LONRF1: variants seen among roughly 807,000 people sequenced by gnomAD.
LONRF1 encodes LON peptidase N-terminal domain and RING finger protein 1.
LONRF1 carries 37 observed loss-of-function variants against 85.8 expected under a neutral mutation model. The ratio of observed to expected loss-of-function variants is 0.43; its 90% CI spans 0.33 to 0.57. LONRF1 has a LOEUF of 0.57. Ranked by LOEUF, LONRF1 falls within the 20% of genes least tolerant of loss-of-function variation. The pLI, the probability that LONRF1 is intolerant of heterozygous loss-of-function variation, is 0.04. For synonymous variants in LONRF1, 517 were observed against 390.1 expected, an observed-to-expected ratio of 1.33 and a Z score of -3.83; for missense variants, 1,036 against 978.0, an observed-to-expected ratio of 1.06 and a Z score of -0.79.
In LONRF1 at chr8:12,755,519, G is replaced by A; in HGVS notation, c.-99C>T. 2.0e-6 allele frequency: 1 copy of A among 507,582 alleles called. No homozygotes were observed. The highest frequency in any genetic ancestry group is 2.5e-6 in the Non-Finnish European group (1 of 395,532). The allele number at this position is 507,582 out of a possible 1,614,324, so 31.4% of individuals were successfully genotyped here. ...CGGCCCGCGAGCAGGGGGGCGTGGC[G>A]CGCGGACACGGCGGGGCTGCGCGCG... On this transcript the variant is annotated 5_prime_UTR_variant, in exon 1 of 12. Transcript: ENST00000398246.
intron 7 of LONRF1, among the ~76,000 whole-genome samples, chr8:12,734,908 T>C (rs1798660417): frequency 6.6e-6 from 1 of 152,186 alleles, no homozygotes; most frequent in Non-Finnish European, 1.5e-5. Context: ...GTTCTAGATG[T>C]TGAGGAAGCT....
rs1342269692 is a variant in LONRF1 at position 12,741,109 on chromosome 8, T to C, written c.841-113A>G. 7 of 1,149,180 alleles carry C rather than the reference T, an allele frequency of 6.1e-6. No individual in the cohort carries two copies. In the South Asian group the frequency reaches 9.8e-5, roughly 16 times the overall value. 71.2% of individuals were successfully genotyped at this position (1,149,180 alleles called of 1,614,324 possible). A position where few individuals can be genotyped will look rare whatever the true frequency, so the allele number is the denominator to read the frequency against. ...TCAGCAGTGCCGATTCTGGGCCGGG[T>C]GCAGTAGCTCACGCCTGTAATCCCA... On this transcript the variant is annotated intron_variant, in intron 2 of 11. Transcript: ENST00000398246.
At chr8:12,739,544 T>C (rs896854874) in intron 3 of LONRF1, among the ~76,000 whole-genome samples, 5 of 151,660 alleles carry the variant, frequency 3.3e-5, no homozygotes, top group Non-Finnish European at 7.4e-5. Context: ...TCTGTTTTGA[T>C]TGGGATGCTG....
rs1798623506 is a variant in LONRF1 at position 12,733,925 on chromosome 8, T to A, written c.1566+1361A>T. ...GGAAACAGGATATTGCTAAATAGTATGTTAGTTATACTTTCAAAAAATATG... is the reference window on the plus strand; with the variant it reads ...GGAAACAGGATATTGCTAAATAGTAAGTTAGTTATACTTTCAAAAAATATG... On this transcript the variant is annotated intron_variant, in intron 7 of 11. Transcript: ENST00000398246. 5.3e-5 allele frequency among the ~76,000 whole-genome samples: 8 copies of A among 152,198 alleles called. 1 individual carries two copies. Among genetic ancestry groups the A allele is most frequent in the Admixed American group, 5.2e-4 (8 of 15,276 alleles).
At chr8:12,744,414 T>G (rs116588015) in intron 1 of LONRF1, among the ~76,000 whole-genome samples, 1 of 152,158 alleles carries the variant, frequency 6.6e-6, no homozygotes, top group Non-Finnish European at 1.5e-5. Flanking sequence ...AAAAAAGACA[T>G]GTCTAGAATA....
intron 10 of LONRF1, among the ~76,000 whole-genome samples, chr8:12,726,936 G>T (rs145764633): frequency 3.3e-5 from 5 of 152,020 alleles, no homozygotes; most frequent in African/African-American, 1.2e-4. Flanking sequence ...GCCACTGTGT[G>T]CACTCAAAGA....
rs1799611603 is a variant in LONRF1 at position 12,755,493 on chromosome 8, G to A, written c.-73C>T. ...GCCTCCCGGGCGCGCGGCTCCGCAC[G>A]CGGCCCGCGAGCAGGGGGGCGTGGC... On this transcript the variant is annotated 5_prime_UTR_variant, in exon 1 of 12. Transcript: ENST00000398246. The A allele has an allele frequency of 3.6e-6, 3 of 828,796 alleles. No individual in the cohort carries two copies. The highest frequency in any genetic ancestry group is 6.0e-5 in the Admixed American group (1 of 16,768). 51.3% of individuals were successfully genotyped at this position (828,796 alleles called of 1,614,324 possible). A position where few individuals can be genotyped will look rare whatever the true frequency, so the allele number is the denominator to read the frequency against.
rs1805916072 is a variant in LONRF1, at chr8:12,722,216, T to C, written c.*880A>G. Reference sequence around the variant, plus strand: ...ATCCTTAATGGGTTTATACTATGCATTTTTTTTTAAAACAAACACATCATG... The same window carrying C: ...ATCCTTAATGGGTTTATACTATGCACTTTTTTTTAAAACAAACACATCATG... On this transcript the variant is annotated 3_prime_UTR_variant, in exon 12 of 12. Transcript: ENST00000398246. The C allele has an allele frequency of 6.7e-6, 1 of 148,966 alleles. No homozygotes were observed. Among genetic ancestry groups the C allele is most frequent in the Non-Finnish European group, 1.5e-5 (1 of 67,036 alleles). The allele number at this position is 148,966 out of a possible 1,614,324, so 9.2% of individuals were successfully genotyped here.
intron 1 of LONRF1, 80 bp downstream of exon 1, chr8:12,754,620 G>T (rs939232506): frequency 4.8e-6 from 6 of 1,239,078 alleles, no homozygotes; most frequent in Non-Finnish European, 6.0e-6. Context: ...CTCTCGGGGC[G>T]CAGACAAGCT....
rs761993389 is a variant in LONRF1, at chr8:12,755,375, C to G, written c.46G>C (p.Glu16Gln). The change falls in exon 1 of 12, where the codon GAG (glutamate) becomes CAG (glutamine). Residue 16 changes from glutamate (E) to glutamine (Q), a missense_variant. Coordinates refer to ENST00000398246, the MANE Select transcript of LONRF1 (RefSeq NM_152271.5). ...VARTSPGGSR[E>Q]MAPAPQGRGR... ...CGGCCCTGCGGCGCTGGGGCCATCTCCCGACTCCCTCCTGGGGAGGTCCTC... is the reference window on the plus strand; with the variant it reads ...CGGCCCTGCGGCGCTGGGGCCATCTGCCGACTCCCTCCTGGGGAGGTCCTC... 1.7e-6 allele frequency: 2 copies of G among 1,204,290 alleles called. No homozygotes were observed. Among genetic ancestry groups the G allele is most frequent in the South Asian group, 6.3e-5 (2 of 31,724 alleles). 74.6% of individuals were successfully genotyped at this position (1,204,290 alleles called of 1,614,324 possible).
chr8:12,754,306 A>C, intron 1 of LONRF1: 3 of 160,722 alleles, frequency 1.9e-5, no homozygotes, highest in Non-Finnish European at 2.7e-5. Flanking sequence ...CCGAGAGCCA[A>C]TTCCCGGAAA....
chr8:12,750,250 T>C (rs559162075), intron 1 of LONRF1, among the ~76,000 whole-genome samples: 2 of 152,346 alleles, frequency 1.3e-5, no homozygotes, highest in African/African-American at 2.4e-5. Flanking sequence ...ATAATCACCA[T>C]ACAGACATCA....
chr8:12,739,091 C>T (rs1224077510), intron 3 of LONRF1, among the ~76,000 whole-genome samples: 2 of 151,920 alleles, frequency 1.3e-5, no homozygotes, highest in Non-Finnish European at 2.9e-5. Flanking sequence ...ATAAATTAAA[C>T]ACACATCCAC....
intron 3 of LONRF1, among the ~76,000 whole-genome samples, chr8:12,739,180 G>T (rs1798834238): frequency 6.6e-6 from 1 of 151,814 alleles, no homozygotes; most frequent in Non-Finnish European, 1.5e-5. Context: ...ACTTGTACAA[G>T]AATACTCATA....
At chr8:12,744,796 G>C (rs74867556) in intron 1 of LONRF1, among the ~76,000 whole-genome samples, 2,582 of 152,270 alleles carry the variant, frequency 0.017, 86 homozygotes, top group African/African-American at 0.059. Flanking sequence ...GCTTCCAATA[G>C]CATCCTTGAG....
Position 12,735,435 on chromosome 8 carries a change from T to A in LONRF1, c.1452-35A>T, listed in dbSNP as rs1234224461. 10 of 1,345,946 alleles carry A rather than the reference T, an allele frequency of 7.4e-6. 1 individual carries two copies. The highest frequency in any genetic ancestry group is 1.1e-5 in the Non-Finnish European group (10 of 950,292). 83.4% of individuals were successfully genotyped at this position (1,345,946 alleles called of 1,614,324 possible). A position where few individuals can be genotyped will look rare whatever the true frequency, so the allele number is the denominator to read the frequency against. On this transcript the variant is annotated intron_variant, in intron 6 of 11. Transcript: ENST00000398246. Reference sequence around the variant, plus strand: ...ACCAAGATACATGTTAGTTTTCACATTAAACTATCCACTGAAAAGCTTGTA... The same window carrying A: ...ACCAAGATACATGTTAGTTTTCACAATAAACTATCCACTGAAAAGCTTGTA...
intron 10 of LONRF1, among the ~76,000 whole-genome samples, chr8:12,727,507 G>A (rs953029375): frequency 6.6e-6 from 1 of 151,760 alleles, no homozygotes; most frequent in South Asian, 2.1e-4. Flanking sequence ...TAGACATTCC[G>A]AGGACCAAAG....
Position 12,737,043 on chromosome 8 carries a change from C to G in LONRF1, c.1211G>C (p.Arg404Thr). Residue 404 changes from arginine (R) to threonine (T), a missense_variant, in exon 5 of 12, where the codon AGA (arginine) becomes ACA (threonine). Physicochemically the swap from Arg to Thr is moderately conservative, Grantham distance 71 (BLOSUM62 -1). Transcript: ENST00000398246. ...GGACACTCTTTTTAAACAGTCCTCTCTGGCAGGCATTTCTGTTGAATTTAT... is the reference window on the plus strand; with the variant it reads ...GGACACTCTTTTTAAACAGTCCTCTGTGGCAGGCATTTCTGTTGAATTTAT... ...QSINSTEMPA[R>T]EDCLKRVSSE... is the part of the protein sequence containing the mutation. The G allele has an allele frequency of 6.2e-7, 1 of 1,613,666 alleles. No individual in the cohort carries two copies. The highest frequency in any genetic ancestry group is 8.5e-7 in the Non-Finnish European group (1 of 1,179,708).
At chr8:12,740,365 G>C (rs989855825) in intron 3 of LONRF1, among the ~76,000 whole-genome samples, 1 of 152,132 alleles carries the variant, frequency 6.6e-6, no homozygotes, top group African/African-American at 2.4e-5. Flanking sequence ...CACTTCATCA[G>C]ACAGCTCCCT....
Sources: allele counts gnomAD v4.1 joint callset (sites outside exome capture counted in the v4.1 genomes callset), GRCh38; gene constraint gnomAD v4.1.1; transcripts MANE v1.5; gene names NCBI Gene and HGNC (gene_info 2026-07-23, HGNC 2026-07-21).